CHCHD3: variants seen among roughly 807,000 people sequenced by gnomAD.
CHCHD3 encodes MICOS complex subunit MIC19.
A neutral mutation model predicts 38.2 loss-of-function variants in CHCHD3; 20 were observed. The observed-to-expected ratio is 0.52, with a 90% CI of 0.37 to 0.76. CHCHD3 has a LOEUF of 0.76. Ranked by LOEUF, CHCHD3 falls within the 30% of genes least tolerant of loss-of-function variation. The pLI is 0.00. For synonymous variants in CHCHD3, 82 were observed against 100.0 expected (o/e 0.82, Z 1.07); for missense variants, 245 against 279.2 (o/e 0.88, Z 0.87).
intron 3 of CHCHD3, among the ~76,000 whole-genome samples, chr7:133,021,425 G>A (rs182518691): frequency 2.0e-5 from 3 of 152,112 alleles, no homozygotes; most frequent in African/African-American, 7.2e-5. Flanking sequence ...ACCACACACA[G>A]TTTTAGAAAC....
chr7:133,077,094 ATG>A (rs1334607560), intron 1 of CHCHD3, among the ~76,000 whole-genome samples: 1 of 152,146 alleles, frequency 6.6e-6, no homozygotes, highest in African/African-American at 2.4e-5. Context: ...ACCCATATAT[ATG>A]TTGATAGATA....
intron 4 of CHCHD3, among the ~76,000 whole-genome samples, chr7:132,940,848 C>T (rs1260535312): frequency 6.6e-6 from 1 of 152,090 alleles, no homozygotes; most frequent in Non-Finnish European, 1.5e-5. Flanking sequence ...AGTTTTATTA[C>T]CATGCAGGAG....
rs546115714 is a variant in CHCHD3, at chr7:133,020,766, G to A, written c.251+3780C>T. Among the ~76,000 whole-genome samples the A allele has an allele frequency of 7.2e-5, 11 of 152,228 alleles. No individual in the cohort carries two copies. The South Asian group carries it at 1.2e-3, about 17-fold the overall frequency. ...ATCTTTTAAGGAATGTTGTGTCACC[G>A]AGGTTTTGACGGCATAGAATATGAT... On this transcript the variant is annotated intron_variant, in intron 3 of 7. Coordinates refer to ENST00000262570, the MANE Select transcript of CHCHD3 (RefSeq NM_017812.4).
chr7:133,068,394 A>G (rs1032805850), intron 2 of CHCHD3, among the ~76,000 whole-genome samples: 11 of 152,220 alleles, frequency 7.2e-5, no homozygotes, highest in African/African-American at 2.7e-4. Context: ...ACAGTGAATA[A>G]GTAGAGGAAA....
chr7:132,859,090 T>C (rs1363668412), intron 5 of CHCHD3, among the ~76,000 whole-genome samples: 1 of 152,146 alleles, frequency 6.6e-6, no homozygotes, highest in African/African-American at 2.4e-5. Flanking sequence ...GATTTCCAGA[T>C]CACTGTATTG....
At chr7:132,848,305 GT>G (rs1291784151) in intron 5 of CHCHD3, among the ~76,000 whole-genome samples, 1 of 152,146 alleles carries the variant, frequency 6.6e-6, no homozygotes, top group African/African-American at 2.4e-5. Flanking sequence ...CTTAATTATA[GT>G]TTTTGTTATA....
intron 5 of CHCHD3, among the ~76,000 whole-genome samples, chr7:132,862,494 A>G (rs924764770): frequency 1.3e-5 from 2 of 152,216 alleles, no homozygotes; most frequent in East Asian, 1.9e-4. Context: ...AATGCTAACA[A>G]TCATCTGAGC....
intron 5 of CHCHD3, among the ~76,000 whole-genome samples, chr7:132,857,220 G>A (rs964979649): frequency 1.3e-5 from 2 of 152,194 alleles, no homozygotes; most frequent in African/African-American, 4.8e-5. Context: ...TAGGAAGAGA[G>A]GCTGTCTTAT....
intron 6 of CHCHD3, among the ~76,000 whole-genome samples, chr7:132,822,522 A>G (rs1053816960): frequency 6.6e-5 from 10 of 152,114 alleles, no homozygotes; most frequent in African/African-American, 2.4e-4. Flanking sequence ...CTTAACTACT[A>G]GATCCCTAAA....
intron 4 of CHCHD3, among the ~76,000 whole-genome samples, chr7:132,941,642 T>C: frequency 6.6e-6 from 1 of 152,180 alleles, no homozygotes; most frequent in East Asian, 1.9e-4. Context: ...ACAATACCGT[T>C]GGGTTTTAAT....
intron 5 of CHCHD3, among the ~76,000 whole-genome samples, chr7:132,883,068 G>A (rs1488069671): frequency 1.3e-5 from 2 of 152,132 alleles, no homozygotes; most frequent in Non-Finnish European, 2.9e-5. Context: ...TGAAAAAGGT[G>A]CCTGCTTCCC....
At chr7:132,991,285 T>C (rs1812279142) in intron 3 of CHCHD3, among the ~76,000 whole-genome samples, 1 of 152,158 alleles carries the variant, frequency 6.6e-6, no homozygotes, top group African/African-American at 2.4e-5. Context: ...CATTTTTTCA[T>C]ATTTCTTTCT....
chr7:132,983,123 A>T (rs955940961), intron 3 of CHCHD3, among the ~76,000 whole-genome samples: 2 of 152,104 alleles, frequency 1.3e-5, no homozygotes, highest in African/African-American at 4.8e-5. Context: ...GGAGTTCGAG[A>T]CCAGCCTAGC....
chr7:132,893,682 A>T (rs941731255), intron 4 of CHCHD3, among the ~76,000 whole-genome samples: 5 of 152,172 alleles, frequency 3.3e-5, no homozygotes, highest in Admixed American at 1.3e-4. Context: ...AAGTGGTTGG[A>T]TCATGGGGGC....
intron 4 of CHCHD3, among the ~76,000 whole-genome samples, chr7:132,969,209 C>T (rs1811550712): frequency 6.8e-6 from 1 of 147,762 alleles, no homozygotes; most frequent in East Asian, 2.0e-4. Flanking sequence ...AAAATTATAG[C>T]TTAAGTTGGG....
At chr7:133,005,868 C>T (rs1181878388) in intron 3 of CHCHD3, among the ~76,000 whole-genome samples, 1 of 152,164 alleles carries the variant, frequency 6.6e-6, no homozygotes, top group Non-Finnish European at 1.5e-5. Context: ...ATCACATTTA[C>T]GCCAGATCTG....
At chr7:132,833,484 A>G (rs1356567372) in intron 6 of CHCHD3, among the ~76,000 whole-genome samples, 1 of 152,180 alleles carries the variant, frequency 6.6e-6, no homozygotes, top group Non-Finnish European at 1.5e-5. Context: ...ACCCCAAAAG[A>G]GGAGAACTAA....
intron 4 of CHCHD3, among the ~76,000 whole-genome samples, chr7:132,909,010 G>A (rs1809869013): frequency 6.6e-6 from 1 of 152,006 alleles, no homozygotes; most frequent in Non-Finnish European, 1.5e-5. Context: ...TGAATCATGG[G>A]GGCAGTTATC....
chr7:132,786,867 T>A (rs777114562), intron 7 of CHCHD3, among the ~76,000 whole-genome samples: 2 of 152,234 alleles, frequency 1.3e-5, no homozygotes, highest in Non-Finnish European at 2.9e-5. Flanking sequence ...AGGAACCAAA[T>A]AGTATCTGGT....
Sources: allele counts gnomAD v4.1 joint callset (sites outside exome capture counted in the v4.1 genomes callset), GRCh38; gene constraint gnomAD v4.1.1; transcripts MANE v1.5; gene names NCBI Gene and HGNC (gene_info 2026-07-23, HGNC 2026-07-21).